Variants in IL33 observed in about 807,000 individuals in gnomAD.
IL33 encodes the protein interleukin 33, also known as interleukin-33.
In IL33, 37 loss-of-function variants were observed where a neutral mutation model predicts 27.3. The ratio of observed to expected loss-of-function variants is 1.36; its 90% confidence interval spans 1.04 to 1.78. The LOEUF (loss-of-function observed/expected upper bound fraction) is 1.78. Among genes scored for constraint, IL33 ranks in the 40% most tolerant of loss-of-function variants. The probability of loss-of-function intolerance (pLI) is 0.00; values close to 1 mark genes in which losing one functional copy is unlikely to be tolerated. For synonymous variants in IL33, 132 were observed against 102.9 expected, an observed-to-expected ratio of 1.28 and a Z score of -1.71; for missense variants, 406 against 311.4, an observed-to-expected ratio of 1.30 and a Z score of -2.29.
At chr9:6,219,717 A>C (rs1047657014) in intron 1 of IL33, among the ~76,000 whole-genome samples, 2 of 152,204 alleles carry the variant, frequency 1.3e-5, no homozygotes, top group African/African-American at 4.8e-5. Context: ...AGAAGCAGTC[A>C]TCAAAGGTAA....
chr9:6,221,556 T>C (rs946623466), intron 1 of IL33, among the ~76,000 whole-genome samples: 1 of 152,218 alleles, frequency 6.6e-6, no homozygotes, highest in Non-Finnish European at 1.5e-5. Context: ...TTTAAGTCTT[T>C]ATATTTCTTA....
intron 4 of IL33, among the ~76,000 whole-genome samples, chr9:6,252,643 T>G (rs1256927114): frequency 6.6e-6 from 1 of 152,204 alleles, no homozygotes; most frequent in Non-Finnish European, 1.5e-5. Context: ...CACACTCACA[T>G]GGCCTCCCAG....
At chr9:6,249,758 G>A (rs1012886606) in intron 2 of IL33, among the ~76,000 whole-genome samples, 1 of 152,132 alleles carries the variant, frequency 6.6e-6, no homozygotes, top group African/African-American at 2.4e-5. Context: ...TGACTCCTGA[G>A]AGCCTCAGAT....
chr9:6,215,939 T>C (rs1191145802), intron 1 of IL33, 87 bp downstream of exon 1: 2 of 151,104 alleles, frequency 1.3e-5, no homozygotes, highest in Non-Finnish European at 2.9e-5. Context: ...TTTTTTTTTT[T>C]CCTGAAAAAT....
chr9:6,236,948 A>G (rs2130264437), intron 1 of IL33, among the ~76,000 whole-genome samples: 1 of 152,336 alleles, frequency 6.6e-6, no homozygotes, highest in South Asian at 2.1e-4. Context: ...TAGGAAAAAG[A>G]TAAGCTCCCA....
intron 4 of IL33, 65 bp from the exon 5 acceptor site, chr9:6,252,801 G>A: frequency 1.3e-6 from 2 of 1,580,146 alleles, no homozygotes. Flanking sequence ...TTTTTTGAGG[G>A]AGCATTTTTT....
chr9:6,247,423 C>T (rs528790975), intron 2 of IL33, among the ~76,000 whole-genome samples: 3 of 152,194 alleles, frequency 2.0e-5, no homozygotes, highest in South Asian at 4.1e-4. Context: ...GGGGAAGAAA[C>T]GAAAGACGGA....
intron 1 of IL33, among the ~76,000 whole-genome samples, chr9:6,235,016 C>A (rs147493775): frequency 1.2e-4 from 18 of 152,250 alleles, no homozygotes; most frequent in African/African-American, 4.1e-4. Flanking sequence ...AAAAAAAAAT[C>A]CCAAATGTAT....
At chr9:6,234,757 C>T (rs1032234715) in intron 1 of IL33, among the ~76,000 whole-genome samples, 13 of 79,626 alleles carry the variant, frequency 1.6e-4, no homozygotes, top group African/African-American at 3.3e-4. Context: ...TTTTTGCCTC[C>T]GTCTCCTTCT....
At position 6,251,210 on chromosome 9, in the gene IL33, T is replaced by A. The variant is rs141706220; in HGVS notation, c.288T>A (p.Phe96Leu). 6.2e-7 allele frequency: 1 copy of A among 1,614,058 alleles called. No individual in the cohort carries two copies. The highest frequency in any genetic ancestry group is 2.2e-5 in the East Asian group (1 of 44,876). ...AGTCTACTGTGGAGTGCTTTGCCTT[T>A]GGTATATCAGGGGTCCAGAAATATA... ...QQQSTVECFA[F>L]GISGVQKYTR... is the part of the protein sequence containing the mutation. Residue 96 changes from phenylalanine (F) to leucine (L), a missense_variant, in exon 4 of 8, where the codon TTT becomes TTA. By Grantham distance (22) the Phe-to-Leu change is conservative. Coordinates refer to ENST00000682010, the MANE Select transcript of IL33 (RefSeq NM_033439.4).
upstream of IL33, among the ~76,000 whole-genome samples, chr9:6,215,534 G>A (rs1468612606): frequency 6.6e-6 from 1 of 152,214 alleles, no homozygotes; most frequent in Non-Finnish European, 1.5e-5. Context: ...GGACAGTGCT[G>A]AAGTTGAAGT....
chr9:6,255,857 G>C (rs551780260), intron 7 of IL33, 111 bp from the exon 8 acceptor site: 1 of 839,252 alleles, frequency 1.2e-6, no homozygotes, highest in South Asian at 1.6e-5. Flanking sequence ...AAGCTTGCTA[G>C]AAATATCAAG....
intron 1 of IL33, among the ~76,000 whole-genome samples, chr9:6,239,830 G>A (rs1349512433): frequency 6.6e-6 from 1 of 151,984 alleles, no homozygotes; most frequent in Non-Finnish European, 1.5e-5. Context: ...CTGCTTTCTG[G>A]CACAACAGGA....
intron 1 of IL33, among the ~76,000 whole-genome samples, chr9:6,234,782 T>C (rs749311328): frequency 6.6e-6 from 1 of 152,190 alleles, no homozygotes; most frequent in Non-Finnish European, 1.5e-5. Context: ...TTCCTTCAGA[T>C]GGTGCTTCAC....
chr9:6,225,444 T>C (rs1024426484), intron 1 of IL33, among the ~76,000 whole-genome samples: 6 of 152,148 alleles, frequency 3.9e-5, no homozygotes, highest in East Asian at 1.9e-4. Flanking sequence ...CTCCACCACA[T>C]ACCCATTTAC....
chr9:6,255,914 T>C (rs777525160), intron 7 of IL33, 54 bp from the exon 8 acceptor site: 72 of 1,435,778 alleles, frequency 5.0e-5, no homozygotes, highest in Non-Finnish European at 6.8e-5. Context: ...GCAGGTAAAG[T>C]TGACTCTGAA....
At chr9:6,215,915 T>C (rs1284200129) in intron 1 of IL33, 63 bp downstream of exon 1, 1 of 148,994 alleles carries the variant, frequency 6.7e-6, no homozygotes, top group Non-Finnish European at 1.5e-5. Context: ...TTGGGAACCA[T>C]GGAGAACTGT....
intron 1 of IL33, among the ~76,000 whole-genome samples, chr9:6,229,642 T>C (rs1818828325): frequency 6.6e-6 from 1 of 152,194 alleles, no homozygotes; most frequent in Admixed American, 6.5e-5. Context: ...CACATCTGTC[T>C]AGTGGATGAT....
At chr9:6,237,975 A>ATTACAAATTACAAATT (rs1819328646) in intron 1 of IL33, among the ~76,000 whole-genome samples, 1 of 152,220 alleles carries the variant, frequency 6.6e-6, no homozygotes, top group Non-Finnish European at 1.5e-5. Flanking sequence ...ATTATTCCAA[A>ATTACAAATTACAAATT]TGCGTGATTA....
Sources: gnomAD v4.1 joint callset for allele counts (sites outside exome capture counted in the v4.1 genomes callset) on GRCh38, gnomAD v4.1.1 for gene constraint, MANE v1.5 for transcripts, NCBI Gene and HGNC (gene_info 2026-07-23, HGNC 2026-07-21) for gene names.